MAPK8: variants seen among roughly 807,000 people sequenced by gnomAD.
MAPK8 encodes mitogen-activated protein kinase 8.
Under a neutral mutation model 52.9 loss-of-function variants are expected in MAPK8, and 13 were observed. The ratio of observed to expected loss-of-function variants is 0.25; its 90% CI spans 0.16 to 0.39. The LOEUF (loss-of-function observed/expected upper bound fraction) is 0.39. Among genes scored for constraint, MAPK8 ranks in the 10% least tolerant of loss-of-function variants. MAPK8 has a pLI of 1.00. For synonymous variants in MAPK8, 191 were observed against 169.8 expected, an observed-to-expected ratio of 1.12 and a Z score of -0.97; for missense variants, 300 against 519.2, an observed-to-expected ratio of 0.58 and a Z score of 4.10.
At chr10:48,430,589 A>G (rs1052485972) in intron 10 of MAPK8, 3 of 152,804 alleles carry the variant, frequency 2.0e-5, no homozygotes, top group Non-Finnish European at 4.4e-5. Context: ...AAGCCTGATA[A>G]GAGAAAAAGA....
rs1480888776 is a variant in MAPK8, at chr10:48,436,453, A to T, written c.*1424A>T. On this transcript the variant is annotated 3_prime_UTR_variant, in exon 12 of 12. Transcript: ENST00000374189. ...GTTATTTCTGAAATACGTTGTCTGTAATAGACCCAGGCACCTTTTAAATTA... is the reference window on the plus strand; with the variant it reads ...GTTATTTCTGAAATACGTTGTCTGTTATAGACCCAGGCACCTTTTAAATTA... 1 of 152,194 alleles carries T rather than the reference A, an allele frequency of 6.6e-6. No homozygotes were observed. Among genetic ancestry groups the T allele is most frequent in the Non-Finnish European group, 1.5e-5 (1 of 68,038 alleles). The allele number at this position is 152,194 out of a possible 1,614,324, so 9.4% of individuals were successfully genotyped here. A position where few individuals can be genotyped will look rare whatever the true frequency, so the allele number is the denominator to read the frequency against.
intron 10 of MAPK8, chr10:48,430,196 C>A (rs911303894): frequency 6.6e-6 from 1 of 152,298 alleles, no homozygotes; most frequent in Non-Finnish European, 1.5e-5. Flanking sequence ...CAGGTTCAAG[C>A]AATTCTCCTG....
At chr10:48,363,476 T>G (rs1847746423) in intron 1 of MAPK8, among the ~76,000 whole-genome samples, 1 of 152,188 alleles carries the variant, frequency 6.6e-6, no homozygotes, top group Non-Finnish European at 1.5e-5. Flanking sequence ...GGAAGAGTGT[T>G]TGTCCTTAGT....
chr10:48,409,248 A>G (rs1249470587), intron 3 of MAPK8, among the ~76,000 whole-genome samples: 2 of 152,188 alleles, frequency 1.3e-5, no homozygotes, highest in Non-Finnish European at 2.9e-5. Context: ...TTCTATGAGT[A>G]TTTATTATGG....
intron 1 of MAPK8, among the ~76,000 whole-genome samples, chr10:48,384,554 C>T (rs1360657957): frequency 6.6e-6 from 1 of 152,110 alleles, no homozygotes; most frequent in East Asian, 1.9e-4. Context: ...GCAAAAAAAG[C>T]ATAATATATG....
chr10:48,320,068 C>T (rs527647458), intron 1 of MAPK8, among the ~76,000 whole-genome samples: 1 of 152,056 alleles, frequency 6.6e-6, no homozygotes, highest in East Asian at 1.9e-4. Flanking sequence ...AGGCGCATGC[C>T]ACCACTGCCA....
At chr10:48,410,373 A>G (rs2133077533) in intron 5 of MAPK8, 1 of 394,216 alleles carries the variant, frequency 2.5e-6, no homozygotes, top group Non-Finnish European at 4.5e-6. Context: ...CCCTGGCATG[A>G]TACCAGTCTG....
chr10:48,414,458 T>TA (rs2042949392), intron 5 of MAPK8, among the ~76,000 whole-genome samples: 1 of 151,022 alleles, frequency 6.6e-6, no homozygotes, highest in African/African-American at 2.4e-5. Context: ...ATTTTTTTTT[T>TA]TTTTTTTCCT....
chr10:48,432,605 C>T (rs1289720387), intron 11 of MAPK8, among the ~76,000 whole-genome samples: 1 of 152,142 alleles, frequency 6.6e-6, no homozygotes, highest in Non-Finnish European at 1.5e-5. Context: ...GATGGAGGCT[C>T]AGGTGGGATT....
chr10:48,370,349 G>A (rs1429521895), intron 1 of MAPK8, among the ~76,000 whole-genome samples: 1 of 152,004 alleles, frequency 6.6e-6, no homozygotes, highest in Non-Finnish European at 1.5e-5. Context: ...TTAATTAGAG[G>A]TCTTAAATTG....
At chr10:48,353,357 T>G (rs1254169912) in intron 1 of MAPK8, among the ~76,000 whole-genome samples, 2 of 152,150 alleles carry the variant, frequency 1.3e-5, no homozygotes, top group Non-Finnish European at 2.9e-5. Flanking sequence ...GATAGCATAA[T>G]CAAGACAGTG....
intron 1 of MAPK8, among the ~76,000 whole-genome samples, chr10:48,316,198 T>G (rs1339998279): frequency 1.3e-5 from 2 of 152,186 alleles, no homozygotes; most frequent in Non-Finnish European, 2.9e-5. Context: ...GTGACAGTGG[T>G]CCCATAAAAT....
chr10:48,312,317 ACTCAG>A (rs1464765166), intron 1 of MAPK8, among the ~76,000 whole-genome samples: 1 of 152,220 alleles, frequency 6.6e-6, no homozygotes. Context: ...AAAAGATGCT[ACTCAG>A]GTACTAACCA....
chr10:48,355,370 G>A (rs1458990475), intron 1 of MAPK8, among the ~76,000 whole-genome samples: 2 of 151,816 alleles, frequency 1.3e-5, no homozygotes, highest in Non-Finnish European at 2.9e-5. Flanking sequence ...TTAGCCGGGT[G>A]TAGTGGCGGG....
At chr10:48,343,563 G>A (rs1564507508) in intron 1 of MAPK8, among the ~76,000 whole-genome samples, 2 of 152,186 alleles carry the variant, frequency 1.3e-5, no homozygotes, top group Admixed American at 1.3e-4. Context: ...AATGCTTCAA[G>A]GATTCAATTG....
chr10:48,314,918 C>T (rs975982891), intron 1 of MAPK8, among the ~76,000 whole-genome samples: 7 of 152,120 alleles, frequency 4.6e-5, no homozygotes, highest in Admixed American at 1.3e-4. Flanking sequence ...GATATCCATC[C>T]ATTTGTCCCT....
chr10:48,350,805 T>C (rs1295063783), intron 1 of MAPK8, among the ~76,000 whole-genome samples: 1 of 152,188 alleles, frequency 6.6e-6, no homozygotes, highest in Non-Finnish European at 1.5e-5. Context: ...GTTATTCAAA[T>C]AGGAAGATAG....
chr10:48,389,483 G>A (rs189108864), intron 1 of MAPK8, among the ~76,000 whole-genome samples: 45 of 152,280 alleles, frequency 3.0e-4, no homozygotes, highest in African/African-American at 9.9e-4. Context: ...CAAGCCTCTG[G>A]CTCAAGGCTA....
At position 48,438,470 on chromosome 10, in the gene MAPK8, G is replaced by C. The variant is rs1442274884; in HGVS notation, c.*3441G>C. 1 of 152,216 alleles carries C rather than the reference G, an allele frequency of 6.6e-6. No homozygotes were observed. The highest frequency in any genetic ancestry group is 1.5e-5 in the Non-Finnish European group (1 of 68,026). The allele number at this position is 152,216 out of a possible 1,614,324, so 9.4% of individuals were successfully genotyped here. Reference sequence around the variant, plus strand: ...TCAAACTGACTGCTCTTCGTTAAGTGCTCTTAAGGAGAGTCTAGTAACAGT... The same window carrying C: ...TCAAACTGACTGCTCTTCGTTAAGTCCTCTTAAGGAGAGTCTAGTAACAGT... On this transcript the variant is annotated 3_prime_UTR_variant, in exon 12 of 12. Transcript: ENST00000374189.
Sources: gnomAD v4.1 joint callset for allele counts (sites outside exome capture counted in the v4.1 genomes callset) on GRCh38, gnomAD v4.1.1 for gene constraint, MANE v1.5 for transcripts, NCBI Gene and HGNC (gene_info 2026-07-23, HGNC 2026-07-21) for gene names.